The following ZDBF2 variants were observed in gnomAD, a reference collection of about 807,000 sequenced individuals.
The protein encoded by ZDBF2 is DBF4-type zinc finger-containing protein 2.
A neutral mutation model predicts 9.4 loss-of-function variants in ZDBF2; 6 were observed. The ratio of observed to expected loss-of-function variants is 0.64; its 90% CI spans 0.35 to 1.27. The LOEUF (loss-of-function observed/expected upper bound fraction) is 1.27. ZDBF2 is among the 50% of genes most tolerant of loss of function. The pLI, the probability that ZDBF2 is intolerant of heterozygous loss-of-function variation, is 0.03. For synonymous variants in ZDBF2, 905 were observed against 946.3 expected, an observed-to-expected ratio of 0.96 and a Z score of 0.80; for missense variants, 2,697 against 2,766.8, an observed-to-expected ratio of 0.97 and a Z score of 0.57.
At position 206,313,491 on chromosome 2, in the gene ZDBF2, G is replaced by A. The variant is rs980003444; in HGVS notation, c.*1898G>A. The A allele has an allele frequency of 4.6e-5, 7 of 152,150 alleles. No homozygotes were observed. The highest frequency in any genetic ancestry group is 1.4e-4 in the African/African-American group (6 of 41,442). The allele number at this position is 152,150 out of a possible 1,614,324, so 9.4% of individuals were successfully genotyped here. Reference sequence around the variant, plus strand: ...AAAGCTTTGTCCTACTGACTAGGAAGTAAACAAACAGCTGATATATAAGAT... The same window carrying A: ...AAAGCTTTGTCCTACTGACTAGGAAATAAACAAACAGCTGATATATAAGAT... On this transcript the variant is annotated 3_prime_UTR_variant, in exon 5 of 5. Transcript: ENST00000374423.
At chr2:206,276,294 A>T (rs940530772) in intron 1 of ZDBF2, among the ~76,000 whole-genome samples, 9 of 152,110 alleles carry the variant, frequency 5.9e-5, no homozygotes, top group African/African-American at 2.2e-4. Flanking sequence ...TAATGAGAGT[A>T]TTGTTTTGTG....
In ZDBF2 at chr2:206,305,442, A is replaced by C. The variant is rs367706713; in HGVS notation, c.914A>C (p.Lys305Thr). The C allele has an allele frequency of 1.9e-6, 3 of 1,613,272 alleles. No homozygotes were observed. Among genetic ancestry groups the C allele is most frequent in the Non-Finnish European group, 2.5e-6 (3 of 1,179,720 alleles). Residue 305 changes from lysine (K) to threonine (T), a missense_variant, in exon 5 of 5, where the codon AAA (lysine) becomes ACA (threonine). Lys to Thr is a moderately conservative substitution (Grantham distance 78). This residue lies in a region of ZDBF2 where 910 missense variants were observed against 973.6 expected (regional missense o/e 0.93). Transcript: ENST00000374423. ...TCCTTAAGAGTTAAATCTCCTTCCA[A>C]ATTAGCAGTAAACCCGAATAAAACT... Reference protein sequence around the residue: ...KGSLRVKSPSKLAVNPNKTDM... With the variant: ...KGSLRVKSPSTLAVNPNKTDM...
Position 206,305,683 on chromosome 2 carries a change from A to C in ZDBF2, c.1155A>C (p.Leu385Phe). Reference sequence around the variant, plus strand: ...AGCCCCAAGAGACTGCACAAGACTTAAGTCTTTGGAAGGAGGAGCAAATTG... The same window carrying C: ...AGCCCCAAGAGACTGCACAAGACTTCAGTCTTTGGAAGGAGGAGCAAATTG... The part of the protein sequence containing the change: ...SDQPQETAQD[L>F]SLWKEEQIDQ... The change falls in exon 5 of 5, where the codon TTA becomes TTC. Residue 385 changes from leucine to phenylalanine, a missense_variant. By Grantham distance (22) the Leu-to-Phe change is conservative. Transcript: ENST00000374423. The C allele has an allele frequency of 4.3e-6, 7 of 1,613,696 alleles. No individual in the cohort carries two copies. The highest frequency in any genetic ancestry group is 5.9e-6 in the Non-Finnish European group (7 of 1,179,788).
At position 206,308,402 on chromosome 2, in the gene ZDBF2, C is replaced by A; in HGVS notation, c.3874C>A (p.Pro1292Thr). The A allele has an allele frequency of 1.9e-6, 3 of 1,612,926 alleles. No homozygotes were observed. The highest frequency in any genetic ancestry group is 2.5e-6 in the Non-Finnish European group (3 of 1,179,628). ...DSRINFDSHE[P>T]LQSVTNKIPG... Reference sequence around the variant, plus strand: ...CAGAATAAATTTTGATTCTCATGAACCCCTTCAGTCCGTAACTAATAAAAT... The same window carrying A: ...CAGAATAAATTTTGATTCTCATGAAACCCTTCAGTCCGTAACTAATAAAAT... Residue 1292 changes from proline (P) to threonine (T), a missense_variant, in exon 5 of 5, where the codon CCC becomes ACC. Coordinates refer to ENST00000374423, the MANE Select transcript of ZDBF2 (RefSeq NM_020923.3).
rs1693006547 is a variant in ZDBF2 at position 206,309,262 on chromosome 2, TG to T, written c.4736del (p.Gly1579ValfsTer15). 1.2e-6 allele frequency: 2 copies of T among 1,610,514 alleles called. No individual in the cohort carries two copies. On this transcript the variant is annotated frameshift_variant, in exon 5 of 5. Coordinates refer to ENST00000374423, the MANE Select transcript of ZDBF2 (RefSeq NM_020923.3). LOFTEE classifies it low-confidence loss of function (END_TRUNC). ...TAGAAGATAAGAGCTGTGACTTTTTTGGTTCTGAAGTCAGATGTAATTGTAA... is the reference window on the plus strand; with the variant it reads ...TAGAAGATAAGAGCTGTGACTTTTTTGTTCTGAAGTCAGATGTAATTGTAA... ...DIEDKSCDFF[G>X]SEVRCNCKAS... is the part of the protein sequence containing the mutation.
chr2:206,313,783 G>T lies in ZDBF2; in HGVS notation c.*2190G>T, dbSNP rs1282371414. ...CTTCTAAGTACCATTTTCATTGGGG[G>T]CAGGGAGAAGGTTTATATTTAAATT... is the stretch of plus-strand genomic sequence containing the variant. On this transcript the variant is annotated 3_prime_UTR_variant, in exon 5 of 5. Coordinates refer to ENST00000374423, the MANE Select transcript of ZDBF2 (RefSeq NM_020923.3). 6.6e-6 allele frequency: 1 copy of T among 152,060 alleles called. No homozygotes were observed. The highest frequency in any genetic ancestry group is 1.5e-5 in the Non-Finnish European group (1 of 67,990). 9.4% of individuals were successfully genotyped at this position (152,060 alleles called of 1,614,324 possible).
At chr2:206,297,464 C>A in intron 4 of ZDBF2, 91 bp downstream of exon 4, 1 of 1,217,984 alleles carries the variant, frequency 8.2e-7, no homozygotes, top group East Asian at 2.6e-5. Context: ...TTAAGTGAAT[C>A]TTTGAGTCAA....
rs544954235 is a variant in ZDBF2 at position 206,310,226 on chromosome 2, G to T, written c.5698G>T (p.Val1900Phe). The change falls in exon 5 of 5, where the codon GTC (valine) becomes TTC (phenylalanine). Residue 1900 changes from valine to phenylalanine, a missense_variant. Val to Phe is a conservative substitution (Grantham distance 50). Coordinates refer to ENST00000374423, the MANE Select transcript of ZDBF2 (RefSeq NM_020923.3). ...AGCTGTGTCAGAGAGTGATGATATT[G>T]TCTGTGGTATTTCAGATATTGATGA... Reference protein sequence around the residue: ...TQAVSESDDIVCGISDIDDLS... With the variant: ...TQAVSESDDIFCGISDIDDLS... 8 of 1,613,938 alleles carry T rather than the reference G, an allele frequency of 5.0e-6. No individual in the cohort carries two copies. The East Asian group carries it at 1.8e-4, about 36-fold the overall frequency.
intron 3 of ZDBF2, among the ~76,000 whole-genome samples, chr2:206,292,860 T>C (rs1691968232): frequency 6.6e-6 from 1 of 152,136 alleles, no homozygotes; most frequent in African/African-American, 2.4e-5. Context: ...TGTTCATGGA[T>C]TGAAGAATCA....
chr2:206,308,427 T>C lies in ZDBF2; in HGVS notation c.3899T>C (p.Ile1300Thr). The change falls in exon 5 of 5, where the codon ATT becomes ACT. Residue 1300 changes from isoleucine to threonine, a missense_variant. By Grantham distance (89) the Ile-to-Thr change is moderately conservative. This residue lies in a region of ZDBF2 where 1,783 missense variants were observed against 1,776.5 expected (regional missense o/e 1.00). Transcript: ENST00000374423. ...CCCCTTCAGTCCGTAACTAATAAAA[T>C]TCCAGGGGCGAATAAAGAAATAAAT... ...HEPLQSVTNKIPGANKEINLL... is the reference protein window; with the variant it reads ...HEPLQSVTNKTPGANKEINLL... 6.2e-7 allele frequency: 1 copy of C among 1,613,346 alleles called. No homozygotes were observed. Among genetic ancestry groups the C allele is most frequent in the Non-Finnish European group, 8.5e-7 (1 of 1,179,654 alleles).
Position 206,304,855 on chromosome 2 carries a change from G to A in ZDBF2, c.327G>A (p.Glu109=), listed in dbSNP as rs773140720. Residue 109 remains glutamate (E), a synonymous_variant, in exon 5 of 5, where the codon GAG becomes GAA. Coordinates refer to ENST00000374423, the MANE Select transcript of ZDBF2 (RefSeq NM_020923.3). ...DEDATEERPS[E]VSEPIEELHS... ...ATGCTACCGAAGAGAGACCATCCGA[G>A]GTTTCAGAACCTATTGAAGAGTTAC... The A allele has an allele frequency of 6.2e-7, 1 of 1,613,710 alleles. No homozygotes were observed. Among genetic ancestry groups the A allele is most frequent in the South Asian group, 1.1e-5 (1 of 91,054 alleles).
Position 206,309,163 on chromosome 2 carries a change from C to A in ZDBF2, c.4635C>A (p.Pro1545=). Residue 1545 remains proline, a synonymous_variant, in exon 5 of 5, where the codon CCC becomes CCA. Transcript: ENST00000374423. ...ATGAAGTAATTTCAGATGATATTCCCCTTCAGTTAGTGACTGACCCACCTC... is the reference window on the plus strand; with the variant it reads ...ATGAAGTAATTTCAGATGATATTCCACTTCAGTTAGTGACTGACCCACCTC... ...SDYEVISDDI[P]LQLVTDPPQL... 6.2e-7 allele frequency: 1 copy of A among 1,611,332 alleles called. No homozygotes were observed. Among genetic ancestry groups the A allele is most frequent in the Non-Finnish European group, 8.5e-7 (1 of 1,178,502 alleles).
Position 206,305,524 on chromosome 2 carries a change from A to T in ZDBF2, c.996A>T (p.Glu332Asp). 1 of 1,613,612 alleles carries T rather than the reference A, an allele frequency of 6.2e-7. No individual in the cohort carries two copies. Residue 332 changes from glutamate to aspartate, a missense_variant, in exon 5 of 5, where the codon GAA becomes GAT. By Grantham distance (45) the Glu-to-Asp change is conservative. This residue lies in a region of ZDBF2 where 910 missense variants were observed against 973.6 expected (regional missense o/e 0.93). Coordinates refer to ENST00000374423, the MANE Select transcript of ZDBF2 (RefSeq NM_020923.3). ...FEDTIAKNHEEFFSNMDCTQE... is the reference protein window; with the variant it reads ...FEDTIAKNHEDFFSNMDCTQE... Reference sequence around the variant, plus strand: ...ATACTATTGCAAAGAACCATGAGGAATTCTTTTCTAACATGGATTGTACCC... The same window carrying T: ...ATACTATTGCAAAGAACCATGAGGATTTCTTTTCTAACATGGATTGTACCC...
At chr2:206,289,437 C>T (rs1280712213) in intron 3 of ZDBF2, among the ~76,000 whole-genome samples, 1 of 151,842 alleles carries the variant, frequency 6.6e-6, no homozygotes, top group Non-Finnish European at 1.5e-5. Flanking sequence ...ACTTCAGCTC[C>T]AGCCTGATGG....
At chr2:206,286,653 C>T (rs528961922) in intron 3 of ZDBF2, among the ~76,000 whole-genome samples, 9 of 152,180 alleles carry the variant, frequency 5.9e-5, no homozygotes, top group African/African-American at 1.2e-4. Flanking sequence ...GCCTCAGCCT[C>T]GTTAGTAGCA....
intron 4 of ZDBF2, among the ~76,000 whole-genome samples, chr2:206,299,498 C>G (rs1260464837): frequency 2.0e-5 from 3 of 151,444 alleles, no homozygotes; most frequent in African/African-American, 7.3e-5. Context: ...TGGTGAAACC[C>G]CTGTCTCTAC....
At chr2:206,301,445 T>G (rs1260963541) in intron 4 of ZDBF2, among the ~76,000 whole-genome samples, 1 of 152,124 alleles carries the variant, frequency 6.6e-6, no homozygotes, top group Non-Finnish European at 1.5e-5. Flanking sequence ...GAGTTTGTTT[T>G]TATATGTGGT....
intron 3 of ZDBF2, among the ~76,000 whole-genome samples, 179 bp downstream of exon 3, chr2:206,282,088 C>G (rs1381739107): frequency 6.6e-6 from 1 of 152,012 alleles, no homozygotes. Context: ...CCTCTTTTTT[C>G]ATGAAGCTTA....
At chr2:206,300,470 A>C (rs1692444267) in intron 4 of ZDBF2, among the ~76,000 whole-genome samples, 1 of 152,162 alleles carries the variant, frequency 6.6e-6, no homozygotes, top group African/African-American at 2.4e-5. Flanking sequence ...TTTTCTTATG[A>C]TTAAACTTCG....
Sources: allele counts gnomAD v4.1 joint callset (sites outside exome capture counted in the v4.1 genomes callset), GRCh38; gene constraint gnomAD v4.1.1; regional missense constraint gnomAD v4.1.1; transcripts MANE v1.5; gene names NCBI Gene and HGNC (gene_info 2026-07-23, HGNC 2026-07-21).